DHRS7B: variants seen among roughly 807,000 people sequenced by gnomAD.
The protein encoded by DHRS7B is dehydrogenase/reductase 7B, also known as peroxisomal reductase activating PPAR-gamma.
DHRS7B carries 24 observed loss-of-function variants against 26.4 expected under a neutral mutation model. That is an observed-to-expected ratio of 0.91 (90% CI 0.66 to 1.28). The LOEUF (loss-of-function observed/expected upper bound fraction) is 1.28, where lower values mean the gene tolerates loss of function less well. Among genes scored for constraint, DHRS7B ranks in the 50% most tolerant of loss-of-function variants. The probability of loss-of-function intolerance (pLI) is 0.00; values close to 1 mark genes in which losing one functional copy is unlikely to be tolerated. For synonymous variants in DHRS7B, 142 were observed against 166.4 expected, an observed-to-expected ratio of 0.85 and a Z score of 1.13; for missense variants, 368 against 419.4, an observed-to-expected ratio of 0.88 and a Z score of 1.07.
At chr17:21,145,915 C>A (rs1597736085) in intron 1 of DHRS7B, among the ~76,000 whole-genome samples, 1 of 152,136 alleles carries the variant, frequency 6.6e-6, no homozygotes, top group Non-Finnish European at 1.5e-5. Context: ...TTGAGACAAT[C>A]CCATGTAAAT....
intron 3 of DHRS7B, 82 bp from the exon 4 acceptor site, chr17:21,183,512 T>C (rs1974558590): frequency 1.5e-6 from 2 of 1,304,598 alleles, no homozygotes; most frequent in Non-Finnish European, 1.1e-6. Context: ...ATTATTGTTT[T>C]GAGGCTAAGT....
chr17:21,142,223 G>A (rs917798209), intron 1 of DHRS7B, among the ~76,000 whole-genome samples: 2 of 152,168 alleles, frequency 1.3e-5, no homozygotes, highest in Admixed American at 6.5e-5. Context: ...CAGAGGGTAC[G>A]TGACAGGGGC....
intron 1 of DHRS7B, among the ~76,000 whole-genome samples, chr17:21,148,542 G>A (rs1973690982): frequency 6.6e-6 from 1 of 152,022 alleles, no homozygotes; most frequent in Non-Finnish European, 1.5e-5. Flanking sequence ...TCAGGAGTTC[G>A]AGACCAGCCT....
chr17:21,128,237 G>C (rs2143827587), intron 1 of DHRS7B: 1 of 152,342 alleles, frequency 6.6e-6, no homozygotes, highest in East Asian at 1.9e-4. Context: ...CCGAGATCAC[G>C]CCATTGCATT....
chr17:21,166,387 T>C, intron 1 of DHRS7B: 3 of 985,390 alleles, frequency 3.0e-6, no homozygotes, highest in Non-Finnish European at 2.4e-6. Flanking sequence ...CTTGCTGACC[T>C]GAAGGTGTCC....
intron 3 of DHRS7B, among the ~76,000 whole-genome samples, chr17:21,181,795 C>G (rs1974519740): frequency 6.6e-6 from 1 of 152,200 alleles, no homozygotes; most frequent in African/African-American, 2.4e-5. Flanking sequence ...GGATGTTGCT[C>G]TTGTACCTTG....
At chr17:21,141,738 C>CAA (rs375398407) in intron 1 of DHRS7B, among the ~76,000 whole-genome samples, 66 of 138,506 alleles carry the variant, frequency 4.8e-4, no homozygotes, top group Non-Finnish European at 3.6e-4. Flanking sequence ...GGTAAAACTC[C>CAA]AAAAAAAAAA....
At chr17:21,184,317 G>C in intron 4 of DHRS7B, 54 bp from the exon 5 acceptor site, 1 of 1,487,244 alleles carries the variant, frequency 6.7e-7, no homozygotes, top group Non-Finnish European at 9.2e-7. Flanking sequence ...CATCAGCATC[G>C]GGTGCAATGA....
At chr17:21,136,741 A>G (rs1218987911) in intron 1 of DHRS7B, among the ~76,000 whole-genome samples, 1 of 151,760 alleles carries the variant, frequency 6.6e-6, no homozygotes, top group Non-Finnish European at 1.5e-5. Context: ...TTTTTAGTAG[A>G]GACAGGGTTT....
chr17:21,188,702 CAT>C lies in DHRS7B; in HGVS notation c.620-8_620-7del. 2.5e-6 allele frequency: 4 copies of C among 1,580,650 alleles called. No individual in the cohort carries two copies. The South Asian group carries it at 4.7e-5, about 19-fold the overall frequency. ...ACTCAGTCACCTGCCTCTCCGTCCA[CAT>C]GTGTAGATGCAGCCTCCAAGCACGC... On this transcript the variant is annotated splice_polypyrimidine_tract_variant and splice_region_variant and intron_variant, in intron 5 of 6. Transcript: ENST00000395511.
intron 1 of DHRS7B, among the ~76,000 whole-genome samples, chr17:21,153,134 A>G (rs1355209454): frequency 2.0e-5 from 3 of 152,252 alleles, no homozygotes; most frequent in Non-Finnish European, 2.9e-5. Context: ...TTAATATGCT[A>G]AGGACTTTAA....
chr17:21,172,529 T>C (rs1597751829), intron 2 of DHRS7B: 1 of 407,664 alleles, frequency 2.5e-6, no homozygotes, highest in South Asian at 2.9e-5. Context: ...GAATTTTATG[T>C]GAAATATCCC....
At position 21,136,279 on chromosome 17, in the gene DHRS7B, GCAA is replaced by G. The variant is rs535423441; in HGVS notation, c.20+9292_20+9294del. On this transcript the variant is annotated intron_variant, in intron 1 of 6. Coordinates refer to ENST00000395511, the MANE Select transcript of DHRS7B (RefSeq NM_015510.5). The stretch of plus-strand genomic sequence containing the variant: ...ATCACACCATTGCACTCCAGCCTGG[GCAA>G]CAAGAGCAAAACTCCATTAAAAAAA... Among the ~76,000 whole-genome samples, 674 of 151,156 alleles carry G rather than the reference GCAA, an allele frequency of 4.5e-3. 3 individuals are homozygous for G. The highest frequency in any genetic ancestry group is 0.016 in the African/African-American group (656 of 40,684).
chr17:21,168,116 C>T (rs1182442810), intron 1 of DHRS7B, among the ~76,000 whole-genome samples: 2 of 152,170 alleles, frequency 1.3e-5, no homozygotes, highest in Admixed American at 6.5e-5. Flanking sequence ...AAAGTGTTGG[C>T]ACAGCTGTCT....
chr17:21,171,555 T>A lies in DHRS7B; in HGVS notation c.21-463T>A, dbSNP rs538815477. 433 of 285,302 alleles carry A rather than the reference T, an allele frequency of 1.5e-3. 3 individuals carry two copies. The highest frequency in any genetic ancestry group is 2.5e-3 in the Non-Finnish European group (354 of 143,418). 17.7% of individuals were successfully genotyped at this position (285,302 alleles called of 1,614,324 possible). On this transcript the variant is annotated intron_variant, in intron 1 of 6. Transcript: ENST00000395511. ...ACGTCCGTCCTCTGAGTGTCTGCTC[T>A]GAAGAGGATAAGAATTGGTACGACT...
chr17:21,135,068 CAA>C (rs1973313249), intron 1 of DHRS7B, among the ~76,000 whole-genome samples: 1 of 152,120 alleles, frequency 6.6e-6, no homozygotes, highest in African/African-American at 2.4e-5. Context: ...AACAAGACAA[CAA>C]TTGTCTGTGG....
At chr17:21,190,119 TTGTGCCAC>T (rs1462035484) in intron 6 of DHRS7B, among the ~76,000 whole-genome samples, 2 of 152,024 alleles carry the variant, frequency 1.3e-5, no homozygotes, top group African/African-American at 4.8e-5. Flanking sequence ...TAAGCCATGA[TTGTGCCAC>T]TGCACTCCAG....
intron 1 of DHRS7B, among the ~76,000 whole-genome samples, chr17:21,160,435 T>G (rs1372453935): frequency 6.7e-6 from 1 of 150,274 alleles, no homozygotes; most frequent in Admixed American, 6.6e-5. Flanking sequence ...GAGACCTGAG[T>G]GAAGAAAATA....
At chr17:21,141,561 C>T (rs73305693) in intron 1 of DHRS7B, among the ~76,000 whole-genome samples, 3,876 of 131,942 alleles carry the variant, frequency 0.029, 162 homozygotes, top group African/African-American at 0.1. Flanking sequence ...AACCCCAGTT[C>T]AGTTACTTAC....
Sources: allele counts gnomAD v4.1 joint callset (sites outside exome capture counted in the v4.1 genomes callset), GRCh38; gene constraint gnomAD v4.1.1; transcripts MANE v1.5; gene names NCBI Gene and HGNC (gene_info 2026-07-23, HGNC 2026-07-21).